Variants in TRDN observed in about 807,000 individuals in gnomAD.
TRDN encodes the protein triadin, also known as triadin in skeletal muscle.
TRDN carries 161 observed loss-of-function variants against 149.7 expected under a neutral mutation model. The ratio of observed to expected loss-of-function variants is 1.08; its 90% confidence interval spans 0.95 to 1.23. TRDN has a LOEUF of 1.23. Among genes scored for constraint, TRDN ranks in the 50% most tolerant of loss-of-function variants. The probability of loss-of-function intolerance (pLI) is 0.00; values close to 1 mark genes in which losing one functional copy is unlikely to be tolerated. For missense variants in TRDN, 896 were observed against 823.5 expected, an observed-to-expected ratio of 1.09 and a Z score of -1.08; for synonymous variants, 294 against 250.5, an observed-to-expected ratio of 1.17 and a Z score of -1.64.
chr6:123,537,342 A>C (rs1780601798), intron 4 of TRDN, among the ~76,000 whole-genome samples: 1 of 152,148 alleles, frequency 6.6e-6, no homozygotes, highest in Non-Finnish European at 1.5e-5. Flanking sequence ...GAAATTACAA[A>C]ATTTAGCCAT....
At chr6:123,416,945 C>A (rs1382343488) in intron 12 of TRDN, among the ~76,000 whole-genome samples, 1 of 152,152 alleles carries the variant, frequency 6.6e-6, no homozygotes, top group Non-Finnish European at 1.5e-5. Context: ...TTAGGTGATC[C>A]ACCTGCCTCC....
chr6:123,376,462 A>G (rs1440472858), intron 18 of TRDN, among the ~76,000 whole-genome samples: 1 of 152,078 alleles, frequency 6.6e-6, no homozygotes, highest in Non-Finnish European at 1.5e-5. Context: ...TTCTTCCTTC[A>G]CTCAATAAGC....
intron 7 of TRDN, among the ~76,000 whole-genome samples, chr6:123,512,096 C>G (rs1779212204): frequency 6.6e-6 from 1 of 151,110 alleles, no homozygotes; most frequent in African/African-American, 2.4e-5. Context: ...TATGATGGAG[C>G]TCTTCATTTT....
At chr6:123,622,527 T>C (rs1256301552) in intron 1 of TRDN, among the ~76,000 whole-genome samples, 1 of 152,140 alleles carries the variant, frequency 6.6e-6, no homozygotes, top group Non-Finnish European at 1.5e-5. Flanking sequence ...ACCGCATATG[T>C]GAGTTATGAA....
At chr6:123,578,857 T>A (rs1413454822) in intron 1 of TRDN, among the ~76,000 whole-genome samples, 1 of 152,134 alleles carries the variant, frequency 6.6e-6, no homozygotes, top group Non-Finnish European at 1.5e-5. Context: ...ATTGTAGAGA[T>A]CTTTTACCTC....
intron 9 of TRDN, chr6:123,470,457 C>G (rs1777091123): frequency 6.6e-6 from 1 of 152,090 alleles, no homozygotes; most frequent in Non-Finnish European, 1.5e-5. Flanking sequence ...TATCATGGAG[C>G]TTACACTAGT....
At chr6:123,307,001 T>A (rs568029128) in intron 24 of TRDN, among the ~76,000 whole-genome samples, 3 of 152,236 alleles carry the variant, frequency 2.0e-5, no homozygotes, top group African/African-American at 7.2e-5. Flanking sequence ...GTTGTTTTAT[T>A]TTTAACCGTT....
chr6:123,374,333 A>C (rs1781428677), intron 19 of TRDN, among the ~76,000 whole-genome samples: 1 of 152,148 alleles, frequency 6.6e-6, no homozygotes, highest in South Asian at 2.1e-4. Context: ...TTTTCAGAGC[A>C]ATCTTCAATC....
At chr6:123,316,558 TAGTC>T (rs1243794641) in intron 23 of TRDN, 63 bp from the exon 24 acceptor site, 20 of 1,483,892 alleles carry the variant, frequency 1.3e-5, no homozygotes, top group South Asian at 2.3e-5. Flanking sequence ...ATTTGAAAAA[TAGTC>T]AGTACAAAGT....
chr6:123,425,150 G>A (rs1774062161), intron 12 of TRDN, among the ~76,000 whole-genome samples: 2 of 152,014 alleles, frequency 1.3e-5, no homozygotes, highest in African/African-American at 4.8e-5. Flanking sequence ...TGGCTAGAGA[G>A]ATTTAAGCCT....
At chr6:123,413,133 T>C (rs1461094942) in intron 12 of TRDN, among the ~76,000 whole-genome samples, 1 of 151,890 alleles carries the variant, frequency 6.6e-6, no homozygotes, top group Non-Finnish European at 1.5e-5. Context: ...TAACACTCTT[T>C]AGAAAGTTTG....
intron 12 of TRDN, among the ~76,000 whole-genome samples, chr6:123,435,024 T>C (rs889988904): frequency 6.6e-6 from 1 of 151,684 alleles, no homozygotes; most frequent in Admixed American, 6.6e-5. Context: ...TATCACTGAA[T>C]AGAGTTTAAG....
chr6:123,553,897 T>C (rs1781519688), intron 2 of TRDN, among the ~76,000 whole-genome samples: 1 of 152,132 alleles, frequency 6.6e-6, no homozygotes. Context: ...GGGGACACTA[T>C]CAAACCATAT....
Position 123,516,182 on chromosome 6 carries a change from CCTTTTT to C in TRDN, c.503_508del (p.Glu168_Lys169del), listed in dbSNP as rs148596612. On this transcript the variant is annotated inframe_deletion, in exon 6 of 41. Coordinates refer to ENST00000334268, the MANE Select transcript of TRDN (RefSeq NM_006073.4). ...TTCTTTTTCTCTTACTTTTTCTTTT[CCTTTTT>C]CTTTTTCTTTGTGTGTAACTGAAAA... The C allele has an allele frequency of 1.3e-3, 1,931 of 1,486,878 alleles. 74 individuals are homozygous for C. The East Asian group carries it at 0.04, about 31-fold the overall frequency. The allele number at this position is 1,486,878 out of a possible 1,614,324, so 92.1% of individuals were successfully genotyped here.
At chr6:123,381,514 C>G (rs1338409747) in intron 15 of TRDN, 124 bp from the exon 16 acceptor site, 1 of 865,924 alleles carries the variant, frequency 1.2e-6, no homozygotes, top group Non-Finnish European at 1.8e-6. Context: ...TTAAATTTCA[C>G]AATGAGGTGA....
rs138834608 is a variant in TRDN, at chr6:123,575,132, A to G, written c.23-4000T>C. On this transcript the variant is annotated intron_variant, in intron 1 of 40. Transcript: ENST00000334268. ...CCTTTTTTTAATCTTCACACCCTCA[A>G]AATTTCCACTTAAGAATTAATCATG... is the stretch of plus-strand genomic sequence containing the variant. Among the ~76,000 whole-genome samples the G allele has an allele frequency of 1.0e-3, 153 of 151,834 alleles. 2 individuals are homozygous for G. Among genetic ancestry groups the G allele is most frequent in the African/African-American group, 3.4e-3 (142 of 41,444 alleles).
At chr6:123,433,937 AG>A (rs1226778412) in intron 12 of TRDN, 1 of 152,204 alleles carries the variant, frequency 6.6e-6, no homozygotes, top group Non-Finnish European at 1.5e-5. Context: ...CTAATCAAGT[AG>A]GTGAAACGTT....
At chr6:123,622,920 C>T (rs1056941812) in intron 1 of TRDN, among the ~76,000 whole-genome samples, 1 of 152,058 alleles carries the variant, frequency 6.6e-6, no homozygotes, top group African/African-American at 2.4e-5. Flanking sequence ...TGTAATCCAC[C>T]TTGAGGTTTG....
chr6:123,387,067 T>C (rs941434320), intron 14 of TRDN, among the ~76,000 whole-genome samples: 1 of 152,174 alleles, frequency 6.6e-6, no homozygotes, highest in African/African-American at 2.4e-5. Context: ...TACAGAGTCA[T>C]TGTAAAGCCA....
Sources: gnomAD v4.1 joint callset for allele counts (sites outside exome capture counted in the v4.1 genomes callset) on GRCh38, gnomAD v4.1.1 for gene constraint, MANE v1.5 for transcripts, NCBI Gene and HGNC (gene_info 2026-07-23, HGNC 2026-07-21) for gene names.